Variants in ULK4 observed in about 807,000 individuals in gnomAD.
ULK4 encodes inactive serine/threonine-protein kinase ULK4.
A neutral mutation model predicts 160.6 loss-of-function variants in ULK4; 133 were observed. The observed-to-expected ratio is 0.83, with a 90% CI of 0.72 to 0.96. The LOEUF (loss-of-function observed/expected upper bound fraction) is 0.96, where lower values mean the gene tolerates loss of function less well. Ranked by LOEUF, ULK4 falls within the 40% of genes least tolerant of loss-of-function variation. The pLI, the probability that ULK4 is intolerant of heterozygous loss-of-function variation, is 0.00. For missense variants in ULK4, 1,580 were observed against 1,499.5 expected, an observed-to-expected ratio of 1.05 and a Z score of -0.89; for synonymous variants, 534 against 539.8, an observed-to-expected ratio of 0.99 and a Z score of 0.15.
chr3:41,725,028 T>C (rs1274956106), intron 22 of ULK4, among the ~76,000 whole-genome samples: 1 of 152,234 alleles, frequency 6.6e-6, no homozygotes, highest in African/African-American at 2.4e-5. Flanking sequence ...GTTGATTATA[T>C]ATGTTGATTA....
chr3:41,714,844 T>A (rs1165437946), intron 25 of ULK4, among the ~76,000 whole-genome samples: 1 of 82,930 alleles, frequency 1.2e-5, no homozygotes, highest in Non-Finnish European at 2.1e-5. Context: ...AGAGCGAGAC[T>A]CTGTCTTTAA....
At chr3:41,722,157 C>T (rs1188872515) in intron 22 of ULK4, among the ~76,000 whole-genome samples, 1 of 152,240 alleles carries the variant, frequency 6.6e-6, no homozygotes, top group East Asian at 1.9e-4. Context: ...ACGGTAGCTG[C>T]TATCATCACC....
At chr3:41,805,408 A>G (rs1211277862) in intron 19 of ULK4, among the ~76,000 whole-genome samples, 1 of 152,226 alleles carries the variant, frequency 6.6e-6, no homozygotes, top group Non-Finnish European at 1.5e-5. Context: ...TTTTCTAAAT[A>G]TACAATCATG....
intron 17 of ULK4, among the ~76,000 whole-genome samples, chr3:41,853,801 C>A (rs2042271535): frequency 6.6e-6 from 1 of 152,162 alleles, no homozygotes; most frequent in African/African-American, 2.4e-5. Flanking sequence ...TAGTGAGTGC[C>A]TTCCCATCTT....
At chr3:41,442,350 C>A (rs2125857821) in intron 34 of ULK4, among the ~76,000 whole-genome samples, 1 of 152,138 alleles carries the variant, frequency 6.6e-6, no homozygotes, top group Non-Finnish European at 1.5e-5. Flanking sequence ...TAAAGAAAAT[C>A]TGAAATACGC....
At chr3:41,490,105 T>C (rs2084694622) in intron 32 of ULK4, among the ~76,000 whole-genome samples, 1 of 152,202 alleles carries the variant, frequency 6.6e-6, no homozygotes, top group African/African-American at 2.4e-5. Context: ...AATGATTCTG[T>C]ATATTACAGT....
At chr3:41,927,052 T>C (rs1699409984) in intron 5 of ULK4, among the ~76,000 whole-genome samples, 1 of 152,128 alleles carries the variant, frequency 6.6e-6, no homozygotes, top group African/African-American at 2.4e-5. Flanking sequence ...AATTGTCAGA[T>C]TCACCAAGGT....
At chr3:41,802,819 A>G (rs1288746545) in intron 19 of ULK4, among the ~76,000 whole-genome samples, 2 of 152,230 alleles carry the variant, frequency 1.3e-5, no homozygotes, top group Non-Finnish European at 2.9e-5. Context: ...GCATTTGTAT[A>G]TCATTACTTG....
chr3:41,476,810 G>A (rs2084161062), intron 32 of ULK4, among the ~76,000 whole-genome samples: 1 of 152,188 alleles, frequency 6.6e-6, no homozygotes, highest in Admixed American at 6.5e-5. Context: ...TTGAAAGAGT[G>A]AGGGAAGCTT....
chr3:41,417,483 A>T lies in ULK4; in HGVS notation c.3493-19219T>A, dbSNP rs147637548. Among the ~76,000 whole-genome samples the T allele has an allele frequency of 6.4e-4, 97 of 152,320 alleles. 1 individual carries two copies. The highest frequency in any genetic ancestry group is 2.2e-3 in the African/African-American group (93 of 41,576). Reference sequence around the variant, plus strand: ...CTGTGACCAGGTATGAAGAGCTCACAGAAGGCTGGGGTTAGCCTAGTATAG... The same window carrying T: ...CTGTGACCAGGTATGAAGAGCTCACTGAAGGCTGGGGTTAGCCTAGTATAG... On this transcript the variant is annotated intron_variant, in intron 34 of 36. Coordinates refer to ENST00000301831, the MANE Select transcript of ULK4 (RefSeq NM_017886.4).
intron 29 of ULK4, among the ~76,000 whole-genome samples, chr3:41,671,821 C>G (rs892287497): frequency 5.3e-5 from 8 of 151,886 alleles, no homozygotes; most frequent in African/African-American, 1.9e-4. Context: ...AACTACACAA[C>G]CAAGAGGGGA....
chr3:41,693,837 G>A (rs2036395031), intron 27 of ULK4, among the ~76,000 whole-genome samples: 1 of 152,170 alleles, frequency 6.6e-6, no homozygotes, highest in Non-Finnish European at 1.5e-5. Context: ...AAAGAGGAAG[G>A]AGAAAAAGAA....
At chr3:41,517,213 A>G (rs1232285374) in intron 32 of ULK4, among the ~76,000 whole-genome samples, 1 of 85,322 alleles carries the variant, frequency 1.2e-5, no homozygotes, top group African/African-American at 3.4e-5. Flanking sequence ...CAACACACTG[A>G]TAATATCAAA....
chr3:41,433,380 G>A (rs889402982), intron 34 of ULK4, among the ~76,000 whole-genome samples: 1 of 152,172 alleles, frequency 6.6e-6, no homozygotes, highest in African/African-American at 2.4e-5. Flanking sequence ...TGATGAGAAT[G>A]AAAACTGGTC....
intron 30 of ULK4, among the ~76,000 whole-genome samples, chr3:41,659,481 G>A (rs571529362): frequency 2.8e-4 from 43 of 152,296 alleles, no homozygotes; most frequent in African/African-American, 1.0e-3. Context: ...ATATGAAGTG[G>A]TAGTCATTCT....
intron 35 of ULK4, among the ~76,000 whole-genome samples, chr3:41,384,195 G>T (rs1371801087): frequency 6.6e-6 from 1 of 151,904 alleles, no homozygotes; most frequent in Non-Finnish European, 1.5e-5. Flanking sequence ...TAGTATAAGG[G>T]GCCACTATCA....
intron 29 of ULK4, 114 bp from the exon 30 acceptor site, chr3:41,663,813 A>T (rs1426433296): frequency 2.4e-6 from 2 of 837,824 alleles, no homozygotes; most frequent in African/African-American, 1.7e-5. Context: ...TATTTTACAC[A>T]CTAATAAAGA....
At chr3:41,504,822 C>T (rs1022825240) in intron 32 of ULK4, among the ~76,000 whole-genome samples, 1 of 152,062 alleles carries the variant, frequency 6.6e-6, no homozygotes, top group African/African-American at 2.4e-5. Flanking sequence ...TCAATCTAAT[C>T]AAGAGTCATA....
chr3:41,534,182 C>CA (rs1398284381), intron 32 of ULK4, among the ~76,000 whole-genome samples: 3 of 152,158 alleles, frequency 2.0e-5, no homozygotes, highest in African/African-American at 7.2e-5. Context: ...AATACCAACT[C>CA]AAACAGTTTA....
Sources: allele counts gnomAD v4.1 joint callset (sites outside exome capture counted in the v4.1 genomes callset), GRCh38; gene constraint gnomAD v4.1.1; transcripts MANE v1.5; gene names NCBI Gene and HGNC (gene_info 2026-07-23, HGNC 2026-07-21).